Variants in ASTN2 observed in about 807,000 individuals in gnomAD.
The protein encoded by ASTN2 is astrotactin-2.
ASTN2 carries 54 observed loss-of-function variants against 139.8 expected under a neutral mutation model. The ratio of observed to expected loss-of-function variants is 0.39; its 90% CI spans 0.31 to 0.48. The LOEUF (loss-of-function observed/expected upper bound fraction) is 0.48. Ranked by LOEUF, ASTN2 falls within the 20% of genes least tolerant of loss-of-function variation. ASTN2 has a pLI of 0.95. For synonymous variants in ASTN2, 756 were observed against 719.5 expected, an observed-to-expected ratio of 1.05 and a Z score of -0.81; for missense variants, 1,565 against 1,725.1, an observed-to-expected ratio of 0.91 and a Z score of 1.64.
intron 20 of ASTN2, among the ~76,000 whole-genome samples, chr9:116,457,568 A>G (rs1848370173): frequency 6.6e-6 from 1 of 152,198 alleles, no homozygotes; most frequent in Non-Finnish European, 1.5e-5. Context: ...TCAAAAGAAG[A>G]CATACAAATG....
intron 6 of ASTN2, among the ~76,000 whole-genome samples, chr9:117,035,524 A>G (rs960605596): frequency 1.3e-5 from 2 of 152,202 alleles, no homozygotes; most frequent in African/African-American, 4.8e-5. Context: ...CTCCAGTAGT[A>G]CAATTTATAA....
In ASTN2 at chr9:116,948,785, G is replaced by GTTTTTTT. The variant is rs58832163; in HGVS notation, c.1889+26416_1889+26422dup. On this transcript the variant is annotated intron_variant, in intron 10 of 22. Coordinates refer to ENST00000313400, the MANE Select transcript of ASTN2 (RefSeq NM_001365068.1). ...AGAGAGAGGAGAGAAATAATTTGGT[G>GTTTTTTT]TTTTTTTTTTTTTTTTTTTTTTTTT... Among the ~76,000 whole-genome samples the GTTTTTTT allele has an allele frequency of 5.9e-4, 29 of 49,470 alleles. 6 individuals are homozygous for GTTTTTTT. The highest frequency in any genetic ancestry group is 4.1e-3 in the South Asian group (3 of 734). 32.5% of individuals were successfully genotyped at this position (49,470 alleles called of 152,430 possible). A position where few individuals can be genotyped will look rare whatever the true frequency, so the allele number is the denominator to read the frequency against.
intron 1 of ASTN2, among the ~76,000 whole-genome samples, chr9:117,386,095 C>A (rs1284052811): frequency 6.6e-6 from 1 of 151,958 alleles, no homozygotes; most frequent in Non-Finnish European, 1.5e-5. Context: ...TTCTTAACTG[C>A]CTAATTAGAG....
At chr9:117,280,931 G>A (rs1834309473) in intron 2 of ASTN2, among the ~76,000 whole-genome samples, 1 of 151,942 alleles carries the variant, frequency 6.6e-6, no homozygotes, top group South Asian at 2.1e-4. Flanking sequence ...TTATTACAGT[G>A]GTGATTGCCT....
At chr9:116,851,750 AC>A (rs1832614827) in intron 11 of ASTN2, among the ~76,000 whole-genome samples, 1 of 152,176 alleles carries the variant, frequency 6.6e-6, no homozygotes, top group African/African-American at 2.4e-5. Context: ...CAGTTCCACC[AC>A]TTCTGCCTGA....
At chr9:117,224,665 T>C (rs1351680387) in intron 2 of ASTN2, among the ~76,000 whole-genome samples, 8 of 152,216 alleles carry the variant, frequency 5.3e-5, no homozygotes, top group Non-Finnish European at 1.2e-4. Context: ...ACATCTTGCC[T>C]GGTATTACAG....
In ASTN2 at chr9:116,699,265, G is replaced by A. The variant is rs1291429914; in HGVS notation, c.2806+26506C>T. 1.2e-6 allele frequency: 2 copies of A among 1,614,098 alleles called. No homozygotes were observed. The highest frequency in any genetic ancestry group is 1.3e-5 in the African/African-American group (1 of 74,936). ...CGAGGATCAGGGGTGGTCAAATACAGCTGCCTATGTAGTGCTGTGCGGCCC... is the reference window on the plus strand; with the variant it reads ...CGAGGATCAGGGGTGGTCAAATACAACTGCCTATGTAGTGCTGTGCGGCCC... On this transcript the variant is annotated intron_variant, in intron 16 of 22. Transcript: ENST00000313400. The surrounding 1 kb of genome is among the most constrained non-coding windows in gnomAD (Gnocchi z 4.2).
intron 22 of ASTN2, among the ~76,000 whole-genome samples, chr9:116,436,323 G>C (rs1450153562): frequency 1.3e-5 from 2 of 152,132 alleles, no homozygotes; most frequent in Non-Finnish European, 2.9e-5. Flanking sequence ...TTGGGATTGG[G>C]TGGGGTGGAG....
chr9:117,214,895 A>T (rs142948843), intron 2 of ASTN2, among the ~76,000 whole-genome samples, 153 bp from the exon 3 acceptor site: 93 of 152,320 alleles, frequency 6.1e-4, no homozygotes, highest in Admixed American at 1.4e-3. Flanking sequence ...AGCTAGAGAG[A>T]CATTGTTTCA....
intron 19 of ASTN2, among the ~76,000 whole-genome samples, chr9:116,554,407 A>C (rs1852501340): frequency 6.6e-6 from 1 of 152,226 alleles, no homozygotes; most frequent in African/African-American, 2.4e-5. Flanking sequence ...TGTGATCAGA[A>C]GCCGGTCCTT....
chr9:117,044,867 T>C (rs531690691), intron 5 of ASTN2, among the ~76,000 whole-genome samples: 1 of 152,324 alleles, frequency 6.6e-6, no homozygotes, highest in East Asian at 1.9e-4. Context: ...ATTATCTCAT[T>C]GAATCCTCTC....
intron 4 of ASTN2, among the ~76,000 whole-genome samples, chr9:117,125,831 G>GC (rs1554780985): frequency 6.6e-6 from 1 of 151,358 alleles, no homozygotes; most frequent in Non-Finnish European, 1.5e-5. Context: ...CATTGCGGCG[G>GC]GGGGGGGAAT....
At chr9:116,924,914 C>T (rs1234555954) in intron 10 of ASTN2, among the ~76,000 whole-genome samples, 2 of 152,110 alleles carry the variant, frequency 1.3e-5, no homozygotes, top group African/African-American at 4.8e-5. Context: ...CCTCATTTTG[C>T]CCAGCCCCGA....
chr9:116,781,668 G>A (rs765323676), intron 13 of ASTN2, among the ~76,000 whole-genome samples: 4 of 152,064 alleles, frequency 2.6e-5, no homozygotes, highest in Non-Finnish European at 5.9e-5. Context: ...CAAAAGTGTT[G>A]GACATTTTTT....
At chr9:117,000,959 C>T (rs1837174918) in intron 7 of ASTN2, among the ~76,000 whole-genome samples, 1 of 152,152 alleles carries the variant, frequency 6.6e-6, no homozygotes, top group Admixed American at 6.6e-5. Flanking sequence ...GGCTCCAGCA[C>T]ATCACAGATC....
chr9:117,380,441 C>T (rs1397186571), intron 1 of ASTN2, among the ~76,000 whole-genome samples: 1 of 151,914 alleles, frequency 6.6e-6, no homozygotes, highest in Non-Finnish European at 1.5e-5. Context: ...CCTGTCTCTA[C>T]TAAAAATACA....
chr9:117,274,831 A>G (rs1014730975), intron 2 of ASTN2, among the ~76,000 whole-genome samples: 18 of 152,324 alleles, frequency 1.2e-4, no homozygotes, highest in South Asian at 4.1e-4. Context: ...TGTTCTTCCA[A>G]TTGGATTAGG....
intron 10 of ASTN2, among the ~76,000 whole-genome samples, chr9:116,901,762 A>G (rs1198638336): frequency 6.6e-6 from 1 of 152,220 alleles, no homozygotes; most frequent in African/African-American, 2.4e-5. Context: ...TAGGCCAGGC[A>G]CGGTGGCTCA....
chr9:116,484,532 C>T (rs757338560), intron 20 of ASTN2, among the ~76,000 whole-genome samples: 20 of 152,142 alleles, frequency 1.3e-4, no homozygotes, highest in South Asian at 2.1e-4. Context: ...CAAGAACTGA[C>T]ACTGGAACTA....
Sources: allele counts gnomAD v4.1 joint callset (sites outside exome capture counted in the v4.1 genomes callset), GRCh38; gene constraint gnomAD v4.1.1; non-coding constraint Gnocchi (gnomAD v3.1); transcripts MANE v1.5; gene names NCBI Gene and HGNC (gene_info 2026-07-23, HGNC 2026-07-21).